Variants in MAML2 observed in about 807,000 individuals in gnomAD.
The protein encoded by MAML2 is mastermind-like protein 2.
A neutral mutation model predicts 96.1 loss-of-function variants in MAML2; 22 were observed. The observed-to-expected ratio is 0.23, with a 90% CI of 0.16 to 0.33. The LOEUF (loss-of-function observed/expected upper bound fraction) is 0.33. Ranked by LOEUF, MAML2 falls within the 10% of genes least tolerant of loss-of-function variation. The pLI, the probability that MAML2 is intolerant of heterozygous loss-of-function variation, is 1.00. For missense variants in MAML2, 1,367 were observed against 1,392.4 expected, an observed-to-expected ratio of 0.98 and a Z score of 0.29; for synonymous variants, 561 against 521.3, an observed-to-expected ratio of 1.08 and a Z score of -1.04.
In MAML2 at chr11:96,140,855, G is replaced by T. The variant is rs189463411; in HGVS notation, c.514-47338C>A. ...CTCCATTTATTCCATCACGGGCCAT[G>T]CTAGGAGCTGTCATTTTAGGGACAC... On this transcript the variant is annotated intron_variant, in intron 1 of 4. Transcript: ENST00000524717. Among the ~76,000 whole-genome samples the T allele has an allele frequency of 1.6e-4, 25 of 152,292 alleles. No homozygotes were observed. The East Asian group carries it at 3.7e-3, about 22-fold the overall frequency.
intron 1 of MAML2, among the ~76,000 whole-genome samples, chr11:96,095,629 AGAG>A (rs1239133192): frequency 1.3e-5 from 2 of 152,234 alleles, no homozygotes; most frequent in African/African-American, 4.8e-5. Flanking sequence ...AAAATGAAGC[AGAG>A]GAGAGACACG....
intron 1 of MAML2, among the ~76,000 whole-genome samples, chr11:96,225,232 T>C (rs1862194880): frequency 6.6e-6 from 1 of 152,204 alleles, no homozygotes. Context: ...TAAAAGACCA[T>C]GCAGCTTAAT....
intron 1 of MAML2, among the ~76,000 whole-genome samples, chr11:96,202,362 A>T (rs1444475599): frequency 2.6e-5 from 4 of 151,370 alleles, no homozygotes; most frequent in Non-Finnish European, 5.9e-5. Context: ...AAAAAAAAAA[A>T]AAAAAATTGA....
chr11:96,021,996 G>A (rs183562789), intron 2 of MAML2, among the ~76,000 whole-genome samples: 2 of 152,222 alleles, frequency 1.3e-5, no homozygotes, highest in East Asian at 3.9e-4. Context: ...ACCTGGTTCA[G>A]GTTGAAGGAT....
intron 1 of MAML2, among the ~76,000 whole-genome samples, chr11:96,298,100 T>G (rs943298198): frequency 6.6e-6 from 1 of 152,174 alleles, no homozygotes; most frequent in Admixed American, 6.5e-5. Flanking sequence ...TCACTATACT[T>G]AGGAAATATA....
At chr11:96,262,212 A>G (rs927507392) in intron 1 of MAML2, among the ~76,000 whole-genome samples, 1 of 152,234 alleles carries the variant, frequency 6.6e-6, no homozygotes, top group Non-Finnish European at 1.5e-5. Context: ...AAAATTGTGT[A>G]CGGTTTTTAT....
chr11:96,101,928 T>C (rs1007669444), intron 1 of MAML2, among the ~76,000 whole-genome samples: 23 of 152,214 alleles, frequency 1.5e-4, no homozygotes, highest in Non-Finnish European at 3.2e-4. Context: ...CATCATAGGT[T>C]AATGCAAGAA....
At chr11:96,083,853 G>A (rs1859565804) in intron 2 of MAML2, among the ~76,000 whole-genome samples, 1 of 152,150 alleles carries the variant, frequency 6.6e-6, no homozygotes, top group Admixed American at 6.5e-5. Flanking sequence ...AGATATATGA[G>A]AGGTAATCCA....
chr11:96,342,851 A>G lies in MAML2; in HGVS notation c.-956T>C, dbSNP rs1254392088. The G allele has an allele frequency of 6.0e-6, 2 of 333,636 alleles. No homozygotes were observed. The highest frequency in any genetic ancestry group is 4.2e-5 in the African/African-American group (2 of 47,576). The allele number at this position is 333,636 out of a possible 1,614,324, so 20.7% of individuals were successfully genotyped here. A position where few individuals can be genotyped will look rare whatever the true frequency, so the allele number is the denominator to read the frequency against. On this transcript the variant is annotated 5_prime_UTR_variant, in exon 1 of 5. Coordinates refer to ENST00000524717, the MANE Select transcript of MAML2 (RefSeq NM_032427.4). ...CTCACCCCCGGCTCTATTCTAATAC[A>G]GTATCAAGAGAGACAAACTCTTCCG...
chr11:96,071,093 G>T (rs545150067), intron 2 of MAML2, among the ~76,000 whole-genome samples: 1 of 152,334 alleles, frequency 6.6e-6, no homozygotes, highest in Admixed American at 6.5e-5. Context: ...GTGGGTAGAG[G>T]CTTAAGCTGT....
At chr11:96,061,916 G>C (rs758952195) in intron 2 of MAML2, among the ~76,000 whole-genome samples, 9 of 151,808 alleles carry the variant, frequency 5.9e-5, no homozygotes, top group African/African-American at 1.9e-4. Context: ...GATGTTTAAC[G>C]TGAAAGCTTT....
rs1160641164 is a variant in MAML2, at chr11:96,314,039, C to T, written c.513+27344G>A. On this transcript the variant is annotated intron_variant, in intron 1 of 4. Transcript: ENST00000524717. ...TTTCTAAATTTGTTTGTCTTCTTCT[C>T]CCCATAGGGTCTTTGGGAGAGGGCA... Among the ~76,000 whole-genome samples the T allele has an allele frequency of 5.3e-5, 8 of 152,246 alleles. No homozygotes were observed. In the South Asian group the frequency reaches 6.2e-4, roughly 12 times the overall value.
intron 1 of MAML2, among the ~76,000 whole-genome samples, chr11:96,299,109 A>G (rs76182109): frequency 0.062 from 8,638 of 140,266 alleles, 387 homozygotes; most frequent in East Asian, 0.15. Context: ...TTGTAACACA[A>G]AGCCAAGTTG....
At chr11:96,053,966 G>T (rs928184078) in intron 2 of MAML2, among the ~76,000 whole-genome samples, 1 of 152,000 alleles carries the variant, frequency 6.6e-6, no homozygotes. Flanking sequence ...CCGCCATTTT[G>T]AGAGCTCTTC....
chr11:96,096,655 G>A (rs773707652), intron 1 of MAML2, among the ~76,000 whole-genome samples: 5 of 152,118 alleles, frequency 3.3e-5, no homozygotes, highest in Non-Finnish European at 5.9e-5. Flanking sequence ...ATCTCGTCCC[G>A]ATTCTTCCAT....
At chr11:96,128,432 T>C (rs1860489225) in intron 1 of MAML2, among the ~76,000 whole-genome samples, 1 of 152,020 alleles carries the variant, frequency 6.6e-6, no homozygotes, top group Non-Finnish European at 1.5e-5. Context: ...ACACACCAAA[T>C]CTTGAGAAGG....
intron 1 of MAML2, among the ~76,000 whole-genome samples, chr11:96,334,776 C>G (rs2136019826): frequency 6.6e-6 from 1 of 152,318 alleles, no homozygotes; most frequent in Non-Finnish European, 1.5e-5. Context: ...GAGTTTAAAA[C>G]CTTTGCTAAA....
chr11:96,332,325 G>A (rs1241485235), intron 1 of MAML2, among the ~76,000 whole-genome samples: 2 of 152,170 alleles, frequency 1.3e-5, no homozygotes, highest in East Asian at 1.9e-4. Flanking sequence ...CTGGGAGCTC[G>A]CTCTCTCAGA....
intron 1 of MAML2, among the ~76,000 whole-genome samples, chr11:96,161,680 A>C (rs1435930696): frequency 6.6e-6 from 1 of 152,238 alleles, no homozygotes; most frequent in Non-Finnish European, 1.5e-5. Context: ...TTTCACGTTC[A>C]GCATTCCTAT....
Sources: allele counts gnomAD v4.1 joint callset (sites outside exome capture counted in the v4.1 genomes callset), GRCh38; gene constraint gnomAD v4.1.1; transcripts MANE v1.5; gene names NCBI Gene and HGNC (gene_info 2026-07-23, HGNC 2026-07-21).